Variants in GPC6 observed in about 807,000 individuals in gnomAD.
GPC6 encodes the protein glypican 6.
A neutral mutation model predicts 55.2 loss-of-function variants in GPC6; 14 were observed. That is an observed-to-expected ratio of 0.25 (90% CI 0.17 to 0.40). The LOEUF (loss-of-function observed/expected upper bound fraction) is 0.40. GPC6 is among the 10% of genes least tolerant of loss of function. The pLI is 1.00. For synonymous variants in GPC6, 278 were observed against 259.6 expected, an observed-to-expected ratio of 1.07 and a Z score of -0.68; for missense variants, 641 against 708.5, an observed-to-expected ratio of 0.90 and a Z score of 1.08.
intron 3 of GPC6, among the ~76,000 whole-genome samples, chr13:94,009,966 G>GA (rs1295204112): frequency 6.6e-6 from 1 of 152,124 alleles, no homozygotes; most frequent in Non-Finnish European, 1.5e-5. Context: ...GGAAATTTCA[G>GA]AAAAAGTAAA....
intron 2 of GPC6, among the ~76,000 whole-genome samples, chr13:93,603,346 C>G (rs1878104544): frequency 6.6e-6 from 1 of 152,144 alleles, no homozygotes; most frequent in Non-Finnish European, 1.5e-5. Flanking sequence ...TATTGCATCA[C>G]TAAAGCAGAA....
intron 1 of GPC6, among the ~76,000 whole-genome samples, chr13:93,282,035 AAAGCCACC>A: frequency 6.6e-6 from 1 of 152,332 alleles, no homozygotes; most frequent in East Asian, 1.9e-4. Flanking sequence ...GTGTACTGAT[AAAGCCACC>A]CTCAGTGAAA....
chr13:93,876,086 CT>C (rs1212374227), intron 3 of GPC6, among the ~76,000 whole-genome samples: 1 of 151,946 alleles, frequency 6.6e-6, no homozygotes, highest in Non-Finnish European at 1.5e-5. Flanking sequence ...AAACAAATAG[CT>C]TGTGTCAGCT....
At chr13:93,901,627 G>A (rs1476111606) in intron 3 of GPC6, among the ~76,000 whole-genome samples, 1 of 152,040 alleles carries the variant, frequency 6.6e-6, no homozygotes, top group Non-Finnish European at 1.5e-5. Flanking sequence ...TAAAGGCTGG[G>A]CACGGTGGTT....
intron 1 of GPC6, among the ~76,000 whole-genome samples, chr13:93,383,718 T>G (rs1875279938): frequency 6.7e-6 from 1 of 149,508 alleles, no homozygotes; most frequent in African/African-American, 2.4e-5. Context: ...CCTTAGGTAT[T>G]ATGCAAACCA....
intron 2 of GPC6, among the ~76,000 whole-genome samples, chr13:93,770,660 G>T (rs747747308): frequency 1.3e-4 from 20 of 152,068 alleles, no homozygotes; most frequent in Non-Finnish European, 2.6e-4. Context: ...TTCTTCTATG[G>T]ACTGTAATGA....
chr13:93,765,308 T>TTCCAGATAAGCTGTCTGGAAAGACAACTC, intron 2 of GPC6, among the ~76,000 whole-genome samples: 1 of 148,686 alleles, frequency 6.7e-6, no homozygotes, highest in African/African-American at 2.5e-5. Context: ...AAAGACAACT[T>TTCCAGATAAGCTGTCTGGAAAGACAACTC]ATTTGGTTTA....
chr13:94,082,955 C>G (rs1885152646), intron 4 of GPC6, among the ~76,000 whole-genome samples: 1 of 152,158 alleles, frequency 6.6e-6, no homozygotes, highest in Non-Finnish European at 1.5e-5. Context: ...TAGAACTTAG[C>G]ACAGAGTAGA....
At chr13:94,356,487 T>C (rs1336193300) in intron 6 of GPC6, among the ~76,000 whole-genome samples, 5 of 152,228 alleles carry the variant, frequency 3.3e-5, no homozygotes, top group African/African-American at 1.2e-4. Flanking sequence ...CACTACTTCA[T>C]CCCTGGTACC....
At chr13:94,149,126 T>G (rs1402230373) in intron 4 of GPC6, among the ~76,000 whole-genome samples, 1 of 152,188 alleles carries the variant, frequency 6.6e-6, no homozygotes, top group African/African-American at 2.4e-5. Context: ...TCACATTTTT[T>G]ATGGCAGCTG....
chr13:93,530,040 C>T (rs1881804351), intron 1 of GPC6, among the ~76,000 whole-genome samples: 1 of 152,282 alleles, frequency 6.6e-6, no homozygotes, highest in Non-Finnish European at 1.5e-5. Context: ...GTGAGCACTG[C>T]AAAAGTAAAC....
intron 1 of GPC6, among the ~76,000 whole-genome samples, chr13:93,378,733 C>A (rs899731840): frequency 6.6e-6 from 1 of 152,068 alleles, no homozygotes; most frequent in South Asian, 2.1e-4. Context: ...CGGTGGCTCA[C>A]GCTTGTAATC....
intron 4 of GPC6, among the ~76,000 whole-genome samples, chr13:94,182,635 A>G (rs1889036770): frequency 6.6e-6 from 1 of 152,190 alleles, no homozygotes; most frequent in African/African-American, 2.4e-5. Context: ...AAGTAAAAAG[A>G]GGAAGTTTAG....
intron 4 of GPC6, among the ~76,000 whole-genome samples, chr13:94,031,169 A>C (rs1192720859): frequency 6.6e-6 from 1 of 151,974 alleles, no homozygotes; most frequent in African/African-American, 2.4e-5. Flanking sequence ...ATGCATTTTC[A>C]AAGTCCTCCT....
intron 2 of GPC6, among the ~76,000 whole-genome samples, chr13:93,785,460 T>C (rs947787275): frequency 1.3e-5 from 2 of 152,088 alleles, no homozygotes; most frequent in African/African-American, 4.8e-5. Flanking sequence ...GGGCTTATGG[T>C]TGATATTTTA....
chr13:94,383,913 G>C (rs778924627), intron 7 of GPC6, among the ~76,000 whole-genome samples: 46 of 152,160 alleles, frequency 3.0e-4, no homozygotes, highest in Non-Finnish European at 6.2e-4. Context: ...AGTAAAGGGG[G>C]AAGAGGCCCT....
At chr13:94,031,791 A>G (rs1213493969) in intron 4 of GPC6, among the ~76,000 whole-genome samples, 1 of 152,192 alleles carries the variant, frequency 6.6e-6, no homozygotes, top group Non-Finnish European at 1.5e-5. Flanking sequence ...ATTGTTATCA[A>G]CGCTCCATAG....
chr13:93,387,130 TTTC>T (rs1268856272), intron 1 of GPC6, among the ~76,000 whole-genome samples: 2 of 5,344 alleles, frequency 3.7e-4, no homozygotes, highest in South Asian at 0.026. Flanking sequence ...TGATGGTTTC[TTTC>T]TTTTTTTTTT....
intron 4 of GPC6, among the ~76,000 whole-genome samples, chr13:94,139,019 C>T (rs1887278663): frequency 6.6e-6 from 1 of 151,818 alleles, no homozygotes; most frequent in African/African-American, 2.4e-5. Context: ...GAGATCCAGG[C>T]AGACAGTTTC....
Sources: allele counts gnomAD v4.1 joint callset (sites outside exome capture counted in the v4.1 genomes callset), GRCh38; gene constraint gnomAD v4.1.1; transcripts MANE v1.5; gene names NCBI Gene and HGNC (gene_info 2026-07-23, HGNC 2026-07-21).